The following SLC39A12 variants were observed in gnomAD, a reference collection of about 807,000 sequenced individuals.
SLC39A12 encodes the protein solute carrier family 39 member 12, also known as zinc transporter ZIP12.
A neutral mutation model predicts 71.1 loss-of-function variants in SLC39A12; 63 were observed. That is an observed-to-expected ratio of 0.89 (90% CI 0.72 to 1.09). The LOEUF (loss-of-function observed/expected upper bound fraction) is 1.09, where lower values mean the gene tolerates loss of function less well. SLC39A12 is among the 50% of genes least tolerant of loss of function. SLC39A12 has a pLI of 0.00. For synonymous variants in SLC39A12, 351 were observed against 301.3 expected, an observed-to-expected ratio of 1.16 and a Z score of -1.71; for missense variants, 892 against 812.6, an observed-to-expected ratio of 1.10 and a Z score of -1.19.
intron 4 of SLC39A12, among the ~76,000 whole-genome samples, chr10:17,975,344 G>A (rs1299342313): frequency 6.6e-6 from 1 of 152,190 alleles, no homozygotes; most frequent in Non-Finnish European, 1.5e-5. Flanking sequence ...GGGTATCACT[G>A]CTGGTTGTTT....
intron 12 of SLC39A12, among the ~76,000 whole-genome samples, chr10:18,009,131 C>A (rs1223383485): frequency 6.6e-6 from 1 of 152,072 alleles, no homozygotes; most frequent in East Asian, 1.9e-4. Flanking sequence ...ATGTTTCAAA[C>A]CTTTAGGCAT....
At chr10:17,999,831 G>T (rs1835783276) in intron 10 of SLC39A12, among the ~76,000 whole-genome samples, 1 of 152,170 alleles carries the variant, frequency 6.6e-6, no homozygotes, top group South Asian at 2.1e-4. Flanking sequence ...AGTGAATGGG[G>T]CGCTTCAGGG....
At position 17,981,458 on chromosome 10, in the gene SLC39A12, A is replaced by C; in HGVS notation, c.1071A>C (p.Ala357=). 1 of 1,613,484 alleles carries C rather than the reference A, an allele frequency of 6.2e-7. No homozygotes were observed. Among genetic ancestry groups the C allele is most frequent in the African/African-American group, 1.3e-5 (1 of 75,028 alleles). The stretch of plus-strand genomic sequence containing the variant: ...GCCACTTACCCAAGGACCAACAAGC[A>C]AAGCTGCCACCTACCACTCTGGAGA... ...CSCHLPKDQQ[A]KLPPTTLEKY... Residue 357 remains alanine, a synonymous_variant, in exon 6 of 13, where the codon GCA becomes GCC. Transcript: ENST00000377369.
At chr10:18,034,679 A>G (rs926497291) in intron 12 of SLC39A12, among the ~76,000 whole-genome samples, 150 of 150,446 alleles carry the variant, frequency 1.0e-3, no homozygotes, top group Admixed American at 1.7e-3. Flanking sequence ...TGTGAATTTG[A>G]TCCTGTCATT....
intron 12 of SLC39A12, among the ~76,000 whole-genome samples, chr10:18,034,892 C>A (rs903141767): frequency 6.6e-6 from 1 of 151,712 alleles, no homozygotes; most frequent in Non-Finnish European, 1.5e-5. Context: ...TATTTTATTT[C>A]TCCTTCACTT....
chr10:17,961,987 T>C, intron 3 of SLC39A12, 125 bp downstream of exon 3: 1 of 965,924 alleles, frequency 1.0e-6, no homozygotes. Flanking sequence ...TTGTGGGTTT[T>C]GGTTATGAGA....
chr10:18,015,763 G>A (rs909097338), intron 12 of SLC39A12, among the ~76,000 whole-genome samples: 7 of 151,666 alleles, frequency 4.6e-5, no homozygotes, highest in Non-Finnish European at 8.8e-5. Context: ...TGCTTCTAAA[G>A]ATAAATAATC....
chr10:18,040,747 C>T (rs1229414208), intron 12 of SLC39A12, among the ~76,000 whole-genome samples: 9 of 136,120 alleles, frequency 6.6e-5, no homozygotes, highest in Non-Finnish European at 1.4e-4. Context: ...CCAGCCTAGG[C>T]GATAAGAGTG....
At chr10:17,981,212 G>T (rs768260965) in intron 5 of SLC39A12, 100 bp from the exon 6 acceptor site, 83 of 1,056,944 alleles carry the variant, frequency 7.9e-5, no homozygotes, top group Middle Eastern at 3.0e-4. Context: ...GTGTGTTCTC[G>T]CTATTCCATC....
intron 2 of SLC39A12, among the ~76,000 whole-genome samples, chr10:17,954,020 C>T (rs1455222297): frequency 1.3e-5 from 2 of 152,088 alleles, no homozygotes; most frequent in Non-Finnish European, 2.9e-5. Flanking sequence ...ATCATCTTAA[C>T]GATGAGGAAT....
chr10:17,987,445 G>T (rs1428768196), intron 6 of SLC39A12, 34 bp from the exon 7 acceptor site: 9 of 1,608,730 alleles, frequency 5.6e-6, no homozygotes, highest in Non-Finnish European at 7.6e-6. Context: ...AGGGCACTGG[G>T]CACTGACTGT....
At chr10:17,996,710 A>G (rs998500336) in intron 10 of SLC39A12, among the ~76,000 whole-genome samples, 1 of 152,202 alleles carries the variant, frequency 6.6e-6, no homozygotes, top group Non-Finnish European at 1.5e-5. Flanking sequence ...AGAAATGCTA[A>G]TGCACCGGCG....
intron 12 of SLC39A12, among the ~76,000 whole-genome samples, chr10:18,036,418 G>T (rs1272848757): frequency 6.6e-6 from 1 of 152,018 alleles, no homozygotes; most frequent in Non-Finnish European, 1.5e-5. Flanking sequence ...TTTTCCAGGT[G>T]CGTCCGTCAC....
intron 12 of SLC39A12, among the ~76,000 whole-genome samples, chr10:18,038,844 C>G (rs1394075428): frequency 1.3e-5 from 2 of 152,076 alleles, no homozygotes; most frequent in Non-Finnish European, 2.9e-5. Context: ...CAGCCAAAGA[C>G]CCTTCCTGGA....
chr10:18,040,384 G>A (rs1837188390), intron 12 of SLC39A12, among the ~76,000 whole-genome samples: 2 of 152,130 alleles, frequency 1.3e-5, no homozygotes, highest in African/African-American at 4.8e-5. Flanking sequence ...GCAGGTCATA[G>A]TAAACCACCC....
chr10:17,997,536 A>C (rs147127075), intron 10 of SLC39A12, among the ~76,000 whole-genome samples: 42 of 152,290 alleles, frequency 2.8e-4, no homozygotes, highest in African/African-American at 7.9e-4. Flanking sequence ...GGACATGCCC[A>C]GTCAAATCAG....
intron 12 of SLC39A12, among the ~76,000 whole-genome samples, chr10:18,025,950 G>C (rs1836666519): frequency 6.6e-6 from 1 of 152,146 alleles, no homozygotes; most frequent in Non-Finnish European, 1.5e-5. Context: ...TACTTCACAA[G>C]TAGTGCCAAT....
Position 18,042,954 on chromosome 10 carries a change from C to A in SLC39A12, c.*121C>A. The A allele has an allele frequency of 1.4e-6, 1 of 718,732 alleles. No homozygotes were observed. Among genetic ancestry groups the A allele is most frequent in the South Asian group, 3.5e-5 (1 of 28,512 alleles). The allele number at this position is 718,732 out of a possible 1,614,324, so 44.5% of individuals were successfully genotyped here. A position where few individuals can be genotyped will look rare whatever the true frequency, so the allele number is the denominator to read the frequency against. On this transcript the variant is annotated 3_prime_UTR_variant, in exon 13 of 13. Coordinates refer to ENST00000377369, the MANE Select transcript of SLC39A12 (RefSeq NM_001145195.2). ...TATCTTAGGCAAAGTGTGTCTCTTT[C>A]AATTCATTAACTTATTAATTTTATA...
intron 12 of SLC39A12, among the ~76,000 whole-genome samples, chr10:18,039,339 T>C (rs902077114): frequency 6.6e-6 from 1 of 152,108 alleles, no homozygotes; most frequent in Non-Finnish European, 1.5e-5. Flanking sequence ...ACAGATGCAG[T>C]TTGAGATGCA....
Sources: allele counts gnomAD v4.1 joint callset (sites outside exome capture counted in the v4.1 genomes callset), GRCh38; gene constraint gnomAD v4.1.1; transcripts MANE v1.5; gene names NCBI Gene and HGNC (gene_info 2026-07-23, HGNC 2026-07-21).